The following ATP6V0A1 variants were observed in gnomAD, a reference collection of about 807,000 sequenced individuals.
The protein encoded by ATP6V0A1 is V-type proton ATPase 116 kDa subunit a 1.
In ATP6V0A1, 43 loss-of-function variants were observed where a neutral mutation model predicts 105.4. The observed-to-expected ratio is 0.41, with a 90% CI of 0.32 to 0.53. ATP6V0A1 has a LOEUF of 0.53. Among genes scored for constraint, ATP6V0A1 ranks in the 20% least tolerant of loss-of-function variants. ATP6V0A1 has a pLI of 0.30. For synonymous variants in ATP6V0A1, 362 were observed against 372.8 expected (o/e 0.97, Z 0.33); for missense variants, 676 against 1,051.1 (o/e 0.64, Z 4.93).
At chr17:42,507,099 GC>G (rs1169875185) in intron 17 of ATP6V0A1, among the ~76,000 whole-genome samples, 1 of 152,132 alleles carries the variant, frequency 6.6e-6, no homozygotes, top group African/African-American at 2.4e-5. Flanking sequence ...ATGTCACTTG[GC>G]CCCCCTTCCT....
At chr17:42,496,061 C>CAAAAAAAAAAAAA (rs11352520) in intron 14 of ATP6V0A1, 2 of 97,180 alleles carry the variant, frequency 2.1e-5, no homozygotes, top group African/African-American at 8.4e-5. Context: ...GACTCCGTCT[C>CAAAAAAAAAAAAA]AAAAAAAAAA....
intron 21 of ATP6V0A1, among the ~76,000 whole-genome samples, chr17:42,517,299 CAACAACAAA>C (rs1199338190): frequency 2.0e-5 from 3 of 149,152 alleles, no homozygotes; most frequent in Non-Finnish European, 2.9e-5. Flanking sequence ...ACAACAACAA[CAACAACAAA>C]AAAACCTGGG....
Position 42,490,502 on chromosome 17 carries a change from A to G in ATP6V0A1, c.1039A>G (p.Thr347Ala). The change falls in exon 11 of 22, where the codon ACT becomes GCT. Residue 347 changes from threonine to alanine, a missense_variant. By Grantham distance (58) the Thr-to-Ala change is moderately conservative. This residue lies in a region of ATP6V0A1 where 435 missense variants were observed against 642.2 expected (regional missense o/e 0.68). Transcript: ENST00000343619. ...TGTTTTTCAGGAACACAGTGGTTCC[A>G]CTGTACCTTCCATTTTGAACAGGAT... ...LRRGTEHSGS[T>A]VPSILNRMQT... The G allele has an allele frequency of 6.2e-7, 1 of 1,606,276 alleles. No homozygotes were observed. Among genetic ancestry groups the G allele is most frequent in the Non-Finnish European group, 8.5e-7 (1 of 1,177,988 alleles).
At chr17:42,493,619 G>C (rs576545756) in intron 11 of ATP6V0A1, among the ~76,000 whole-genome samples, 72 of 152,190 alleles carry the variant, frequency 4.7e-4, no homozygotes, top group African/African-American at 1.7e-3. Context: ...AAAATAGTGA[G>C]ATTCCATCTA....
chr17:42,514,408 C>A lies in ATP6V0A1; in HGVS notation c.2368C>A (p.Leu790Ile). The A allele has an allele frequency of 1.2e-6, 2 of 1,613,476 alleles. No individual in the cohort carries two copies. The highest frequency in any genetic ancestry group is 1.7e-6 in the Non-Finnish European group (2 of 1,179,700). Residue 790 changes from leucine to isoleucine, a missense_variant, in exon 21 of 22, where the codon CTC becomes ATC. Around this residue, in one of 3 missense-constraint regions of ATP6V0A1, gnomAD observed 435 missense variants for 642.2 expected, o/e 0.68. Transcript: ENST00000343619. ...TAFATLTVAI[L>I]LIMEGLSAFL... ...CTTTGCCACCCTGACCGTGGCCATC[C>A]TCCTGATCATGGAGGGCCTCTCGGC... is the stretch of plus-strand genomic sequence containing the variant.
At chr17:42,491,127 C>CT (rs1267380272) in intron 11 of ATP6V0A1, among the ~76,000 whole-genome samples, 1 of 152,038 alleles carries the variant, frequency 6.6e-6, no homozygotes, top group African/African-American at 2.4e-5. Context: ...CCAAGCTAGT[C>CT]TTGGACTCCT....
At chr17:42,498,609 C>T (rs995147334) in intron 14 of ATP6V0A1, among the ~76,000 whole-genome samples, 5 of 152,028 alleles carry the variant, frequency 3.3e-5, no homozygotes, top group African/African-American at 4.8e-5. Context: ...GGGCGAATCA[C>T]GAGGTCATGA....
intron 8 of ATP6V0A1, among the ~76,000 whole-genome samples, chr17:42,481,569 T>C (rs763303587): frequency 5.3e-5 from 8 of 152,042 alleles, no homozygotes; most frequent in Non-Finnish European, 1.0e-4. Flanking sequence ...TGTGGCCAGA[T>C]ACAATGGCTC....
At chr17:42,465,559 G>A (rs1332522305) in intron 2 of ATP6V0A1, among the ~76,000 whole-genome samples, 1 of 151,722 alleles carries the variant, frequency 6.6e-6, no homozygotes, top group Non-Finnish European at 1.5e-5. Flanking sequence ...CAAAATGCTG[G>A]GATTACAAGC....
chr17:42,466,521 G>C lies in ATP6V0A1; in HGVS notation c.196+14G>C, dbSNP rs774844474. ...ATCGAAAGCTTCGTATGTGCACTTT[G>C]GTCTTGTGTAATGTTCCTTTAATGA... On this transcript the variant is annotated intron_variant, in intron 3 of 21. Coordinates refer to ENST00000343619, the MANE Select transcript of ATP6V0A1 (RefSeq NM_001130021.3). 3 of 1,605,272 alleles carry C rather than the reference G, an allele frequency of 1.9e-6. No homozygotes were observed. Among genetic ancestry groups the C allele is most frequent in the African/African-American group, 1.3e-5 (1 of 74,754 alleles).
chr17:42,506,408 G>T (rs1379388300), intron 17 of ATP6V0A1, among the ~76,000 whole-genome samples: 1 of 152,202 alleles, frequency 6.6e-6, no homozygotes, highest in Non-Finnish European at 1.5e-5. Context: ...CAAATAATTA[G>T]ATCTGAGGTG....
chr17:42,482,225 C>T (rs2089605534), intron 8 of ATP6V0A1, among the ~76,000 whole-genome samples: 1 of 147,700 alleles, frequency 6.8e-6, no homozygotes, highest in Non-Finnish European at 1.5e-5. Context: ...CAGCTCACTG[C>T]AGCCTTGACT....
intron 6 of ATP6V0A1, 113 bp downstream of exon 6, chr17:42,477,855 C>A: frequency 1.2e-6 from 1 of 850,600 alleles, no homozygotes. Flanking sequence ...CTCTTCTGAG[C>A]CTATTGAGAT....
chr17:42,499,986 A>G (rs1433947346), intron 15 of ATP6V0A1, among the ~76,000 whole-genome samples: 1 of 151,512 alleles, frequency 6.6e-6, no homozygotes, highest in Non-Finnish European at 1.5e-5. Context: ...CTGTAATGCC[A>G]GCACTTTGGG....
intron 8 of ATP6V0A1, among the ~76,000 whole-genome samples, chr17:42,481,572 A>G (rs2089509441): frequency 6.6e-6 from 1 of 152,072 alleles, no homozygotes; most frequent in African/African-American, 2.4e-5. Flanking sequence ...GGCCAGATAC[A>G]ATGGCTCATG....
In ATP6V0A1 at chr17:42,478,580, T is replaced by C; in HGVS notation, c.624T>C (p.Asp208=). ...CTGAAATCGAGAACCCCCTGGAGGA[T>C]CCTGTGACTGTAAGACAAGGAGATT... The part of the protein sequence containing the change: ...RQAEIENPLE[D]PVTGDYVHKS... Residue 208 remains aspartate (D), a synonymous_variant, in exon 7 of 22, where the codon GAT becomes GAC. Transcript: ENST00000343619. The C allele has an allele frequency of 6.3e-7, 1 of 1,583,092 alleles. No individual in the cohort carries two copies. Among genetic ancestry groups the C allele is most frequent in the East Asian group, 2.3e-5 (1 of 42,858 alleles).
chr17:42,493,577 C>T (rs758872312), intron 11 of ATP6V0A1, among the ~76,000 whole-genome samples: 3 of 152,170 alleles, frequency 2.0e-5, no homozygotes, highest in Non-Finnish European at 2.9e-5. Flanking sequence ...GGGAGGATTG[C>T]TCAAGGCCAC....
intron 5 of ATP6V0A1, among the ~76,000 whole-genome samples, chr17:42,473,558 C>A (rs929042919): frequency 3.9e-5 from 6 of 152,212 alleles, no homozygotes; most frequent in African/African-American, 1.4e-4. Context: ...GTAGTCAGAG[C>A]TCAGCTACCT....
intron 10 of ATP6V0A1, among the ~76,000 whole-genome samples, 180 bp from the exon 11 acceptor site, chr17:42,490,307 G>A (rs1317169867): frequency 6.6e-6 from 1 of 152,094 alleles, no homozygotes; most frequent in Non-Finnish European, 1.5e-5. Flanking sequence ...CAAAAGCTGG[G>A]AAAGATAATC....
Sources: gnomAD v4.1 joint callset for allele counts (sites outside exome capture counted in the v4.1 genomes callset) on GRCh38, gnomAD v4.1.1 for gene constraint, gnomAD v4.1.1 regional missense constraint, MANE v1.5 for transcripts, NCBI Gene and HGNC (gene_info 2026-07-23, HGNC 2026-07-21) for gene names.